The following RPS6KA2 variants were observed in gnomAD, a reference collection of about 807,000 sequenced individuals.
The protein encoded by RPS6KA2 is ribosomal protein S6 kinase alpha-2.
RPS6KA2 carries 42 observed loss-of-function variants against 91.8 expected under a neutral mutation model. The observed-to-expected ratio is 0.46, with a 90% CI of 0.36 to 0.59. The LOEUF is 0.59. Among genes scored for constraint, RPS6KA2 ranks in the 20% least tolerant of loss-of-function variants. The pLI, the probability that RPS6KA2 is intolerant of heterozygous loss-of-function variation, is 0.00. For synonymous variants in RPS6KA2, 414 were observed against 393.6 expected, an observed-to-expected ratio of 1.05 and a Z score of -0.61; for missense variants, 798 against 978.5, an observed-to-expected ratio of 0.82 and a Z score of 2.46.
chr6:166,475,758 A>G (rs764589194), intron 10 of RPS6KA2: 1 of 530,946 alleles, frequency 1.9e-6, no homozygotes, highest in Non-Finnish European at 3.9e-6. Flanking sequence ...GGGGATGTGG[A>G]GGTGGGAGAA....
At position 166,766,318 on chromosome 6, in the gene RPS6KA2, C is replaced by G. The variant is rs368283504; in HGVS notation, c.123+91882G>C. ...TAAAAATTTTTTAGGATAAGCTGAG[C>G]CTTAACTTTAGGCCTATAACTTCAA... On this transcript the variant is annotated intron_variant, in intron 2 of 21. Coordinates refer to the RPS6KA2 transcript ENST00000503859. 3.7e-4 allele frequency among the ~76,000 whole-genome samples: 57 copies of G among 152,060 alleles called. 2 individuals are homozygous for G. In the East Asian group the frequency reaches 8.7e-3, roughly 23 times the overall value.
chr6:166,689,889 G>A (rs912025328), intron 2 of RPS6KA2, among the ~76,000 whole-genome samples: 4 of 152,194 alleles, frequency 2.6e-5, no homozygotes, highest in East Asian at 1.9e-4. Context: ...TTTAATATTC[G>A]GCCCTCAGGC....
chr6:166,840,759 C>T (rs184267261), intron 2 of RPS6KA2, among the ~76,000 whole-genome samples: 58 of 152,154 alleles, frequency 3.8e-4, no homozygotes, highest in African/African-American at 1.3e-3. Flanking sequence ...GTCGGGAGTT[C>T]GAGACCAGCC....
At chr6:166,656,565 C>A (rs1284336470) in intron 2 of RPS6KA2, among the ~76,000 whole-genome samples, 2 of 152,234 alleles carry the variant, frequency 1.3e-5, no homozygotes, top group South Asian at 2.1e-4. Context: ...CAGGTGCTCC[C>A]GTGACTCTGC....
intron 1 of RPS6KA2, among the ~76,000 whole-genome samples, chr6:166,611,369 C>T (rs1040332206): frequency 2.0e-5 from 3 of 152,230 alleles, no homozygotes; most frequent in Non-Finnish European, 4.4e-5. Flanking sequence ...TAGCCTGTAG[C>T]TGCTGAAAAG....
intron 1 of RPS6KA2, among the ~76,000 whole-genome samples, chr6:166,566,440 G>A (rs769446217): frequency 6.6e-6 from 1 of 152,222 alleles, no homozygotes; most frequent in Non-Finnish European, 1.5e-5. Flanking sequence ...TAACCTCACT[G>A]TTGGTGCCAC....
At chr6:166,486,183 A>G (rs567986442) in intron 10 of RPS6KA2, among the ~76,000 whole-genome samples, 1 of 152,330 alleles carries the variant, frequency 6.6e-6, no homozygotes, top group African/African-American at 2.4e-5. Flanking sequence ...AGGGGGTCCC[A>G]GTAACAACAA....
At chr6:166,797,704 G>A (rs938645765) in intron 2 of RPS6KA2, among the ~76,000 whole-genome samples, 4 of 152,098 alleles carry the variant, frequency 2.6e-5, no homozygotes, top group African/African-American at 9.7e-5. Context: ...GGGTGGCAGA[G>A]GTGGGAGAAA....
chr6:166,507,384 ACACACC>A lies in RPS6KA2; in HGVS notation c.459+813_459+818del, dbSNP rs915281071. Among the ~76,000 whole-genome samples the A allele has an allele frequency of 1.3e-4, 20 of 150,956 alleles. No homozygotes were observed. In the Middle Eastern group the frequency reaches 0.01, roughly 78 times the overall value. ...GCACACCCAACACACACACACACAC[ACACACC>A]CACCCCACATCACACATAGCACACA... On this transcript the variant is annotated intron_variant, in intron 5 of 20. Transcript: ENST00000265678.
intron 2 of RPS6KA2, among the ~76,000 whole-genome samples, chr6:166,670,677 C>T (rs908529746): frequency 2.6e-5 from 4 of 152,204 alleles, no homozygotes; most frequent in African/African-American, 9.7e-5. Context: ...ATATGACCCT[C>T]ACCTCTCAGG....
chr6:166,449,648 C>G (rs1779787971), intron 13 of RPS6KA2, among the ~76,000 whole-genome samples: 1 of 152,144 alleles, frequency 6.6e-6, no homozygotes, highest in South Asian at 2.1e-4. Flanking sequence ...TGAAGATGCT[C>G]CAGTCTCTGG....
chr6:166,652,265 G>A (rs1178138502), intron 2 of RPS6KA2, among the ~76,000 whole-genome samples: 1 of 152,168 alleles, frequency 6.6e-6, no homozygotes, highest in African/African-American at 2.4e-5. Flanking sequence ...TCGCTTCACT[G>A]TGCATTTTAT....
intron 2 of RPS6KA2, among the ~76,000 whole-genome samples, chr6:166,719,947 A>T (rs1482430186): frequency 2.6e-5 from 4 of 152,232 alleles, no homozygotes; most frequent in Non-Finnish European, 5.9e-5. Context: ...AAATTTCTGA[A>T]AGAGTGGCAG....
intron 13 of RPS6KA2, among the ~76,000 whole-genome samples, chr6:166,449,288 GC>G (rs531921229): frequency 7.0e-4 from 107 of 152,168 alleles, no homozygotes; most frequent in Admixed American, 1.3e-3. Flanking sequence ...GCATGCAGCA[GC>G]CCCACCCACC....
chr6:166,811,061 C>T (rs1045425970), intron 2 of RPS6KA2, among the ~76,000 whole-genome samples: 12 of 152,112 alleles, frequency 7.9e-5, no homozygotes, highest in Admixed American at 6.5e-4. Flanking sequence ...ACCAAGAATA[C>T]GATGACATCA....
At chr6:166,741,901 C>T (rs1196197356) in intron 2 of RPS6KA2, among the ~76,000 whole-genome samples, 2 of 152,154 alleles carry the variant, frequency 1.3e-5, no homozygotes, top group Non-Finnish European at 2.9e-5. Flanking sequence ...CCGAGGAAGG[C>T]GGATCACCTG....
In RPS6KA2 at chr6:166,448,773, A is replaced by G. The variant is rs766970028; in HGVS notation, c.1283T>C (p.Val428Ala). 4 of 1,612,756 alleles carry G rather than the reference A, an allele frequency of 2.5e-6. No homozygotes were observed. The highest frequency in any genetic ancestry group is 4.5e-5 in the East Asian group (2 of 44,870). ...GGCTTTATGCACACATCGCTTGCAC[A>G]CTGAGTAGGAGCCCACCCCGATGTC... ...KEDIGVGSYS[V>A]CKRCVHKATD... Residue 428 changes from valine to alanine, a missense_variant, in exon 14 of 21, where the codon GTG becomes GCG. Physicochemically the swap from Val to Ala is moderately conservative, Grantham distance 64 (BLOSUM62 0). Coordinates refer to ENST00000265678, the MANE Select transcript of RPS6KA2 (RefSeq NM_021135.6). This position sits in a 1 kb window ranked among gnomAD's most constrained non-coding sequence, Gnocchi z 4.7.
At chr6:166,650,144 ATT>A (rs1350326359) in intron 2 of RPS6KA2, among the ~76,000 whole-genome samples, 15 of 141,730 alleles carry the variant, frequency 1.1e-4, no homozygotes, top group African/African-American at 3.5e-4. Context: ...TTTGTTGGGA[ATT>A]ACAAAAAAAA....
chr6:166,609,170 G>C (rs1786066646), intron 1 of RPS6KA2, among the ~76,000 whole-genome samples: 1 of 152,156 alleles, frequency 6.6e-6, no homozygotes, highest in African/African-American at 2.4e-5. Context: ...TTAGACTTCT[G>C]GTTTTCAAAC....
Sources: gnomAD v4.1 joint callset for allele counts (sites outside exome capture counted in the v4.1 genomes callset) on GRCh38, gnomAD v4.1.1 for gene constraint, Gnocchi (gnomAD v3.1) non-coding constraint, MANE v1.5 for transcripts, NCBI Gene and HGNC (gene_info 2026-07-23, HGNC 2026-07-21) for gene names.